The following ADGRV1 variants were observed in gnomAD, a reference collection of about 807,000 sequenced individuals.
The protein encoded by ADGRV1 is G-protein coupled receptor 98.
ADGRV1 carries 359 observed loss-of-function variants against 596.2 expected under a neutral mutation model. The ratio of observed to expected loss-of-function variants is 0.60; its 90% CI spans 0.55 to 0.66. The LOEUF (loss-of-function observed/expected upper bound fraction) is 0.66, where lower values mean the gene tolerates loss of function less well. Among genes scored for constraint, ADGRV1 ranks in the 30% least tolerant of loss-of-function variants. ADGRV1 has a pLI of 0.00. For synonymous variants in ADGRV1, 2,681 were observed against 2,679.2 expected, an observed-to-expected ratio of 1.00 and a Z score of -0.02; for missense variants, 7,274 against 7,575.6, an observed-to-expected ratio of 0.96 and a Z score of 1.48.
chr5:90,643,336 G>A (rs1241374944), intron 13 of ADGRV1, among the ~76,000 whole-genome samples: 1 of 151,164 alleles, frequency 6.6e-6, no homozygotes, highest in African/African-American at 2.5e-5. Flanking sequence ...CTTCCTTTAG[G>A]TAATATGTAT....
chr5:90,609,947 G>A (rs1762542400), intron 1 of ADGRV1, among the ~76,000 whole-genome samples: 1 of 151,914 alleles, frequency 6.6e-6, no homozygotes, highest in Non-Finnish European at 1.5e-5. Flanking sequence ...TTTAATCGAA[G>A]TCGATTAATG....
chr5:91,042,870 G>A (rs1390822659), intron 85 of ADGRV1, among the ~76,000 whole-genome samples: 1 of 152,056 alleles, frequency 6.6e-6, no homozygotes, highest in Non-Finnish European at 1.5e-5. Context: ...TCAGAGTGCT[G>A]AAAGGGTTCA....
intron 87 of ADGRV1, among the ~76,000 whole-genome samples, chr5:91,128,307 G>T (rs1793936682): frequency 6.6e-6 from 1 of 151,730 alleles, no homozygotes; most frequent in African/African-American, 2.4e-5. Flanking sequence ...TTTATGATGG[G>T]TTTATCAGAG....
At chr5:91,120,719 A>G (rs1347272695) in intron 87 of ADGRV1, among the ~76,000 whole-genome samples, 1 of 152,162 alleles carries the variant, frequency 6.6e-6, no homozygotes, top group African/African-American at 2.4e-5. Flanking sequence ...CTAGACTAGT[A>G]CAAAACACTG....
At chr5:90,640,768 A>C (rs1252249144) in intron 11 of ADGRV1, 1 of 152,612 alleles carries the variant, frequency 6.6e-6, no homozygotes, top group Non-Finnish European at 1.5e-5. Flanking sequence ...TCACAGTATT[A>C]GTGAGATTTT....
intron 75 of ADGRV1, among the ~76,000 whole-genome samples, chr5:90,819,621 G>A (rs1177180720): frequency 3.3e-5 from 5 of 150,838 alleles, no homozygotes; most frequent in Non-Finnish European, 7.4e-5. Flanking sequence ...TTGTGTCTTT[G>A]TTCTCGTTGG....
intron 87 of ADGRV1, among the ~76,000 whole-genome samples, chr5:91,117,067 A>T (rs1001891621): frequency 1.3e-5 from 2 of 152,210 alleles, no homozygotes; most frequent in African/African-American, 4.8e-5. Flanking sequence ...TGGAATGTTA[A>T]GATGGTCATT....
At position 90,778,427 on chromosome 5, in the gene ADGRV1, GC is replaced by G; in HGVS notation, c.12668del (p.Ala4223ValfsTer2). ...EQSAVIVVIQALNDDIPEEKS... is the reference protein window; with the variant it reads ...EQSAVIVVIQXLNDDIPEEKS... ...TTGATGACTCTTTGTCTTTTTCTAG[GC>G]TTTGAACGATGACATTCCCGAGGAA... On this transcript the variant is annotated frameshift_variant and splice_region_variant, in exon 63 of 90. Transcript: ENST00000405460. LOFTEE classifies it high-confidence loss of function. The G allele has an allele frequency of 6.2e-7, 1 of 1,611,634 alleles. No individual in the cohort carries two copies. Among genetic ancestry groups the G allele is most frequent in the Non-Finnish European group, 8.5e-7 (1 of 1,178,816 alleles).
intron 75 of ADGRV1, among the ~76,000 whole-genome samples, chr5:90,820,477 T>C (rs906412892): frequency 6.6e-6 from 1 of 152,138 alleles, no homozygotes; most frequent in Non-Finnish European, 1.5e-5. Flanking sequence ...AGGGGTGATT[T>C]TGCTCATTAG....
rs181686617 is a variant in ADGRV1, at chr5:90,685,746, T to A, written c.6275-34T>A. ...GGCCAGTTCTTAGAATTTTGATAGC[T>A]TTCTGTGTTCTGTGTGGATCTTCTG... On this transcript the variant is annotated intron_variant, in intron 28 of 89. Coordinates refer to ENST00000405460, the MANE Select transcript of ADGRV1 (RefSeq NM_032119.4). The A allele has an allele frequency of 9.9e-4, 1,520 of 1,528,802 alleles. 7 individuals carry two copies. Among genetic ancestry groups the A allele is most frequent in the South Asian group, 5.9e-3 (504 of 86,120 alleles). The allele number at this position is 1,528,802 out of a possible 1,614,324, so 94.7% of individuals were successfully genotyped here.
In ADGRV1 at chr5:90,763,332, G is replaced by GA; in HGVS notation, c.12149dup (p.Asp4050GlufsTer2). ...AATGATTGATGAATCCCTTTCATCC[G>GA]ATGACCCTGATTCATATGTGACATT... On this transcript the variant is annotated frameshift_variant, in exon 59 of 90. Transcript: ENST00000405460. LOFTEE classifies it high-confidence loss of function. 6.3e-7 allele frequency: 1 copy of GA among 1,593,020 alleles called. No individual in the cohort carries two copies. The highest frequency in any genetic ancestry group is 2.3e-5 in the East Asian group (1 of 44,354).
At chr5:90,904,978 A>G (rs796868094) in intron 83 of ADGRV1, among the ~76,000 whole-genome samples, 50 of 152,118 alleles carry the variant, frequency 3.3e-4, no homozygotes, top group African/African-American at 1.2e-3. Flanking sequence ...TCTCAGCACC[A>G]TTTATTAAAA....
At chr5:90,802,323 C>A (rs1158578286) in intron 70 of ADGRV1, among the ~76,000 whole-genome samples, 3 of 152,184 alleles carry the variant, frequency 2.0e-5, no homozygotes, top group African/African-American at 7.2e-5. Flanking sequence ...TCAAATGATT[C>A]TCCTGCCTCA....
At chr5:90,810,129 C>T in intron 73 of ADGRV1, 104 bp from the exon 74 acceptor site, 5 of 899,580 alleles carry the variant, frequency 5.6e-6, no homozygotes, top group South Asian at 1.9e-5. Flanking sequence ...TGTTAAGTTG[C>T]TGCCCTCATG....
chr5:91,039,729 A>G (rs1406681633), intron 85 of ADGRV1, among the ~76,000 whole-genome samples: 1 of 152,180 alleles, frequency 6.6e-6, no homozygotes, highest in African/African-American at 2.4e-5. Context: ...GGTTAAAACA[A>G]GGTACATTGA....
At chr5:91,065,483 A>C (rs1037029008) in intron 85 of ADGRV1, among the ~76,000 whole-genome samples, 2 of 152,186 alleles carry the variant, frequency 1.3e-5, no homozygotes, top group Admixed American at 1.3e-4. Context: ...CTTGTTCTTT[A>C]AAATATAATG....
At chr5:90,961,365 G>A (rs1315931244) in intron 83 of ADGRV1, among the ~76,000 whole-genome samples, 2 of 151,910 alleles carry the variant, frequency 1.3e-5, no homozygotes, top group African/African-American at 4.8e-5. Flanking sequence ...GGCACGCCCT[G>A]TAGTTCCAGC....
intron 87 of ADGRV1, among the ~76,000 whole-genome samples, chr5:91,114,210 C>T (rs1394070838): frequency 6.6e-6 from 1 of 151,580 alleles, no homozygotes; most frequent in East Asian, 1.9e-4. Flanking sequence ...CAGTGAGAGA[C>T]TTCGTCTCAA....
intron 11 of ADGRV1, among the ~76,000 whole-genome samples, chr5:90,639,097 C>CACACACACAT (rs1554067823): frequency 2.7e-5 from 4 of 150,658 alleles, no homozygotes; most frequent in Admixed American, 6.6e-5. Flanking sequence ...CACACACACA[C>CACACACACAT]GCTCGCGCAC....
Sources: allele counts gnomAD v4.1 joint callset (sites outside exome capture counted in the v4.1 genomes callset), GRCh38; gene constraint gnomAD v4.1.1; transcripts MANE v1.5; gene names NCBI Gene and HGNC (gene_info 2026-07-23, HGNC 2026-07-21).